LARS2: variants seen among roughly 807,000 people sequenced by gnomAD.
The protein encoded by LARS2 is leucine--tRNA ligase, mitochondrial.
In LARS2, 81 loss-of-function variants were observed where a neutral mutation model predicts 116.6. That is an observed-to-expected ratio of 0.69 (90% CI 0.58 to 0.84). The LOEUF (loss-of-function observed/expected upper bound fraction) is 0.84. LARS2 is among the 40% of genes least tolerant of loss of function. LARS2 has a pLI of 0.00. For missense variants in LARS2, 968 were observed against 1,114.5 expected, an observed-to-expected ratio of 0.87 and a Z score of 1.87; for synonymous variants, 396 against 407.2, an observed-to-expected ratio of 0.97 and a Z score of 0.33.
chr3:45,412,389 A>T (rs1259248766), intron 4 of LARS2, among the ~76,000 whole-genome samples: 1 of 152,068 alleles, frequency 6.6e-6, no homozygotes, highest in Admixed American at 6.6e-5. Flanking sequence ...ATGTGTACAT[A>T]TGTTTGTATG....
chr3:45,498,818 CT>C (rs1170323634), intron 14 of LARS2, among the ~76,000 whole-genome samples: 34 of 152,174 alleles, frequency 2.2e-4, no homozygotes, highest in Non-Finnish European at 4.3e-4. Context: ...CTCCAGTGTC[CT>C]TTAGGACCCA....
At chr3:45,473,898 G>A (rs1040153210) in intron 8 of LARS2, among the ~76,000 whole-genome samples, 1 of 152,126 alleles carries the variant, frequency 6.6e-6, no homozygotes, top group Admixed American at 6.6e-5. Context: ...TCATAAACTT[G>A]AACTTAATTT....
chr3:45,506,203 G>A (rs1230330584), intron 15 of LARS2, among the ~76,000 whole-genome samples: 1 of 152,052 alleles, frequency 6.6e-6, no homozygotes, highest in African/African-American at 2.4e-5. Flanking sequence ...TTTGAGGAAG[G>A]TACAGAAAGT....
In LARS2 at chr3:45,437,966, G is replaced by A. The variant is rs186728756; in HGVS notation, c.517-8925G>A. On this transcript the variant is annotated intron_variant, in intron 6 of 21. Coordinates refer to ENST00000645846, the MANE Select transcript of LARS2 (RefSeq NM_015340.4). ...GTAGTGTATTAGGAGGCAATAAGTG[G>A]TATGGAAAGAAAAAAAGGTAGAGTA... Among the ~76,000 whole-genome samples the A allele has an allele frequency of 1.6e-3, 248 of 152,248 alleles. 1 individual carries two copies. Among genetic ancestry groups the A allele is most frequent in the Admixed American group, 0.016 (248 of 15,296 alleles).
intron 4 of LARS2, among the ~76,000 whole-genome samples, chr3:45,401,321 G>A (rs1463946774): frequency 1.3e-5 from 2 of 151,856 alleles, no homozygotes; most frequent in African/African-American, 4.8e-5. Context: ...GAGCAATGTA[G>A]CAAAACCCTG....
intron 20 of LARS2, among the ~76,000 whole-genome samples, chr3:45,533,300 G>A (rs553921054): frequency 2.0e-4 from 30 of 151,728 alleles, no homozygotes; most frequent in African/African-American, 6.8e-4. Context: ...ACAGGCCCCC[G>A]CCACCATACC....
intron 7 of LARS2, among the ~76,000 whole-genome samples, chr3:45,455,228 A>C (rs539044662): frequency 6.6e-6 from 1 of 151,420 alleles, no homozygotes; most frequent in East Asian, 1.9e-4. Flanking sequence ...CTAGAGCCTG[A>C]GAGATGCCAG....
Position 45,506,458 on chromosome 3 carries a change from G to A in LARS2, c.1760+5879G>A, listed in dbSNP as rs1700201913. 2.0e-5 allele frequency among the ~76,000 whole-genome samples: 3 copies of A among 152,194 alleles called. No individual in the cohort carries two copies. In the East Asian group the frequency reaches 5.8e-4, roughly 29 times the overall value. On this transcript the variant is annotated intron_variant, in intron 15 of 21. Coordinates refer to ENST00000645846, the MANE Select transcript of LARS2 (RefSeq NM_015340.4). ...AAGCTGGGCTGGGAGGAAAAATTGA[G>A]ACCTGTCAACCACATGTGTATTTCT... is the stretch of plus-strand genomic sequence containing the variant.
At chr3:45,495,922 C>T (rs3733115) in intron 13 of LARS2, among the ~76,000 whole-genome samples, 73,063 of 151,580 alleles carry the variant, frequency 0.48, 21,319 homozygotes, top group East Asian at 0.78. Context: ...TGCAATGGCA[C>T]GATCTTGGCT....
chr3:45,518,101 ACT>A, intron 18 of LARS2, 29 bp downstream of exon 18: 1 of 1,575,338 alleles, frequency 6.3e-7, no homozygotes, highest in Admixed American at 1.8e-5. Flanking sequence ...CCAGGGGTTA[ACT>A]CTGTAACCAA....
intron 4 of LARS2, among the ~76,000 whole-genome samples, chr3:45,410,802 A>G (rs527387309): frequency 9.8e-5 from 15 of 152,306 alleles, no homozygotes; most frequent in African/African-American, 3.6e-4. Context: ...TGTCTGGGGA[A>G]AGATTCAGGG....
Position 45,541,919 on chromosome 3 carries a change from TC to T in LARS2, c.2497del (p.Leu833CysfsTer12). ...LQAWPAVDPE[F>X]LQQPEVVQMA... ...GCATGGCCTGCTGTGGACCCGGAGT[TC>T]CTGCAGCAGCCTGAGGTTGTCCAGA... On this transcript the variant is annotated frameshift_variant, in exon 21 of 22. Transcript: ENST00000645846. LOFTEE classifies it high-confidence loss of function. 6.2e-7 allele frequency: 1 copy of T among 1,614,232 alleles called. No individual in the cohort carries two copies. Among genetic ancestry groups the T allele is most frequent in the Non-Finnish European group, 8.5e-7 (1 of 1,180,030 alleles).
intron 13 of LARS2, among the ~76,000 whole-genome samples, chr3:45,492,808 C>CAGCCATCCTCCCAGGTCCTCACT (rs1204948888): frequency 1.3e-5 from 2 of 152,342 alleles, no homozygotes; most frequent in East Asian, 3.9e-4. Flanking sequence ...AGGGACTTGC[C>CAGCCATCCTCCCAGGTCCTCACT]AGCCATCCTC....
chr3:45,427,790 T>C (rs1372028353), intron 6 of LARS2, among the ~76,000 whole-genome samples: 6 of 152,012 alleles, frequency 3.9e-5, no homozygotes, highest in African/African-American at 1.4e-4. Flanking sequence ...TGTTCTGACA[T>C]TGATGATCAT....
chr3:45,472,524 C>T (rs191221494), intron 8 of LARS2, among the ~76,000 whole-genome samples: 94 of 152,226 alleles, frequency 6.2e-4, no homozygotes, highest in Middle Eastern at 3.4e-3. Context: ...CCCCATGGCT[C>T]TATGACCAGA....
chr3:45,531,181 G>T (rs901241158), intron 20 of LARS2, among the ~76,000 whole-genome samples: 1 of 151,834 alleles, frequency 6.6e-6, no homozygotes, highest in Non-Finnish European at 1.5e-5. Context: ...TCTTAATGTT[G>T]TCAAATAAAG....
In LARS2 at chr3:45,545,081, C is replaced by A. The variant is rs116087702; in HGVS notation, c.2533-2270C>A. On this transcript the variant is annotated intron_variant, in intron 21 of 21. Coordinates refer to ENST00000645846, the MANE Select transcript of LARS2 (RefSeq NM_015340.4). ...GTCTCTTCCACTGCCTGGGGTGGAG[C>A]CTAGGTGGACAAGTGACTTCACTTC... Among the ~76,000 whole-genome samples the A allele has an allele frequency of 5.8e-3, 889 of 152,238 alleles. 10 individuals are homozygous for A. The highest frequency in any genetic ancestry group is 0.021 in the African/African-American group (858 of 41,540).
chr3:45,513,164 G>A lies in LARS2; in HGVS notation c.1790G>A (p.Gly597Asp), dbSNP rs1365714698. The change falls in exon 16 of 22, where the codon GGC becomes GAC. Residue 597 changes from glycine (G) to aspartate (D), a missense_variant. Coordinates refer to ENST00000645846, the MANE Select transcript of LARS2 (RefSeq NM_015340.4). ...CCTTTTCATAAGCTGCTGGCCCAAG[G>A]CCTTATCAAGGGGCAGACATTCCGC... ...REPFHKLLAQ[G>D]LIKGQTFRLP... The A allele has an allele frequency of 1.2e-6, 2 of 1,613,536 alleles. No individual in the cohort carries two copies. Among genetic ancestry groups the A allele is most frequent in the Non-Finnish European group, 1.7e-6 (2 of 1,179,574 alleles).
At chr3:45,429,177 T>C (rs1459942319) in intron 6 of LARS2, among the ~76,000 whole-genome samples, 2 of 152,202 alleles carry the variant, frequency 1.3e-5, no homozygotes, top group Non-Finnish European at 2.9e-5. Flanking sequence ...TAAAACAACA[T>C]CAGCATATTA....
Sources: allele counts gnomAD v4.1 joint callset (sites outside exome capture counted in the v4.1 genomes callset), GRCh38; gene constraint gnomAD v4.1.1; transcripts MANE v1.5; gene names NCBI Gene and HGNC (gene_info 2026-07-23, HGNC 2026-07-21).